Variants in ADGRB3 observed in about 807,000 individuals in gnomAD.
ADGRB3 encodes the protein adhesion G protein-coupled receptor B3.
ADGRB3 carries 37 observed loss-of-function variants against 193.4 expected under a neutral mutation model. The observed-to-expected ratio is 0.19, with a 90% confidence interval of 0.15 to 0.25. The LOEUF (loss-of-function observed/expected upper bound fraction) is 0.25, where lower values mean the gene tolerates loss of function less well. Ranked by LOEUF, ADGRB3 falls within the 10% of genes least tolerant of loss-of-function variation. ADGRB3 has a pLI of 1.00. For synonymous variants in ADGRB3, 690 were observed against 644.2 expected (o/e 1.07, Z -1.08); for missense variants, 1,637 against 1,852.9 (o/e 0.88, Z 2.14).
At chr6:68,653,318 T>C (rs1484297156) in intron 3 of ADGRB3, among the ~76,000 whole-genome samples, 2 of 152,158 alleles carry the variant, frequency 1.3e-5, no homozygotes, top group African/African-American at 4.8e-5. Flanking sequence ...TACAGCCTAA[T>C]CTATCCTATT....
intron 3 of ADGRB3, among the ~76,000 whole-genome samples, chr6:68,831,193 C>T (rs755742894): frequency 2.0e-5 from 3 of 149,358 alleles, no homozygotes; most frequent in South Asian, 4.2e-4. Context: ...CAATAAAAAA[C>T]GTGGTGATGA....
intron 16 of ADGRB3, among the ~76,000 whole-genome samples, chr6:69,065,528 G>T (rs1771875193): frequency 6.6e-6 from 1 of 151,844 alleles, no homozygotes; most frequent in South Asian, 2.1e-4. Flanking sequence ...AATACTTTGG[G>T]AAGTATTACT....
intron 17 of ADGRB3, among the ~76,000 whole-genome samples, chr6:69,149,721 A>G (rs1339371462): frequency 6.6e-6 from 1 of 152,022 alleles, no homozygotes; most frequent in Non-Finnish European, 1.5e-5. Context: ...AGGGACTTGG[A>G]TGCTGTGACC....
intron 11 of ADGRB3, among the ~76,000 whole-genome samples, chr6:69,010,265 A>G (rs1769893988): frequency 6.6e-6 from 1 of 152,016 alleles, no homozygotes; most frequent in Non-Finnish European, 1.5e-5. Flanking sequence ...TCTTAGAAAG[A>G]AGAGACTTCT....
chr6:69,231,884 T>C (rs569170037), intron 17 of ADGRB3, among the ~76,000 whole-genome samples: 1 of 152,278 alleles, frequency 6.6e-6, no homozygotes, highest in Non-Finnish European at 1.5e-5. Flanking sequence ...ATTAAAAATA[T>C]ATTGCTGGTA....
At chr6:69,094,874 G>C (rs1772829090) in intron 17 of ADGRB3, among the ~76,000 whole-genome samples, 1 of 152,138 alleles carries the variant, frequency 6.6e-6, no homozygotes, top group African/African-American at 2.4e-5. Context: ...GAAGCAGAAT[G>C]CTTATTTAGA....
At chr6:69,157,962 C>T (rs1441721110) in intron 17 of ADGRB3, among the ~76,000 whole-genome samples, 2 of 152,046 alleles carry the variant, frequency 1.3e-5, no homozygotes, top group Admixed American at 1.3e-4. Context: ...TTCCTCTTGT[C>T]TAGGTTTCTT....
chr6:68,915,165 T>G (rs182366477), intron 3 of ADGRB3, among the ~76,000 whole-genome samples: 3 of 152,316 alleles, frequency 2.0e-5, no homozygotes, highest in African/African-American at 7.2e-5. Flanking sequence ...GGCCATCAAT[T>G]TGACGCAATT....
intron 15 of ADGRB3, among the ~76,000 whole-genome samples, chr6:69,062,455 CTGTT>C (rs1382526942): frequency 2.0e-5 from 3 of 151,764 alleles, no homozygotes; most frequent in Non-Finnish European, 2.9e-5. Context: ...TATTTAAACT[CTGTT>C]TGCTCTAATG....
At chr6:68,827,262 A>G (rs1767862232) in intron 3 of ADGRB3, among the ~76,000 whole-genome samples, 1 of 152,110 alleles carries the variant, frequency 6.6e-6, no homozygotes, top group Non-Finnish European at 1.5e-5. Context: ...AAGTGCCCTA[A>G]GTGGTACTGA....
chr6:69,226,232 T>G (rs938328268), intron 17 of ADGRB3, among the ~76,000 whole-genome samples: 3 of 152,170 alleles, frequency 2.0e-5, no homozygotes, highest in African/African-American at 7.2e-5. Flanking sequence ...AGTGGCCAAG[T>G]AGAAATCTAA....
chr6:69,165,857 T>A (rs1047590832), intron 17 of ADGRB3, among the ~76,000 whole-genome samples: 5 of 152,130 alleles, frequency 3.3e-5, no homozygotes, highest in African/African-American at 1.2e-4. Flanking sequence ...ATTGTTTTTA[T>A]CTTTATTTTA....
At chr6:69,170,246 A>T (rs928117053) in intron 17 of ADGRB3, among the ~76,000 whole-genome samples, 1 of 152,168 alleles carries the variant, frequency 6.6e-6, no homozygotes, top group African/African-American at 2.4e-5. Flanking sequence ...TTTCAGTTCA[A>T]GCATATGTTG....
At chr6:69,110,409 G>A (rs1015497419) in intron 17 of ADGRB3, among the ~76,000 whole-genome samples, 2 of 152,034 alleles carry the variant, frequency 1.3e-5, no homozygotes, top group South Asian at 2.1e-4. Flanking sequence ...TGATTGCCTA[G>A]TCACTCTTTG....
rs191582576 is a variant in ADGRB3 at position 68,777,379 on chromosome 6, G to A, written c.757+137947G>A. On this transcript the variant is annotated intron_variant, in intron 3 of 31. Coordinates refer to ENST00000370598, the MANE Select transcript of ADGRB3 (RefSeq NM_001704.3). ...CCTGACCCAAAATTCTGCTAGGAAT[G>A]TAGAAATATATTTTTTTTGGCAAAT... is the stretch of plus-strand genomic sequence containing the variant. Among the ~76,000 whole-genome samples, 33 of 152,186 alleles carry A rather than the reference G, an allele frequency of 2.2e-4. No homozygotes were observed. The East Asian group carries it at 6.2e-3, about 29-fold the overall frequency.
chr6:68,762,534 T>G (rs1227458667), intron 3 of ADGRB3, among the ~76,000 whole-genome samples: 2 of 151,744 alleles, frequency 1.3e-5, no homozygotes, highest in Non-Finnish European at 2.9e-5. Flanking sequence ...CCAAATAAAT[T>G]AGTGAAACAA....
intron 26 of ADGRB3, among the ~76,000 whole-genome samples, chr6:69,348,989 T>C (rs999619988): frequency 2.0e-5 from 3 of 152,226 alleles, no homozygotes; most frequent in African/African-American, 4.8e-5. Flanking sequence ...GAATGAAGAC[T>C]AGCTTTCAAG....
chr6:69,219,643 A>T (rs146845494), intron 17 of ADGRB3, among the ~76,000 whole-genome samples: 67 of 151,484 alleles, frequency 4.4e-4, no homozygotes, highest in African/African-American at 1.5e-3. Context: ...AAGATTATGT[A>T]ACTCACAGGT....
At chr6:69,089,487 A>G (rs1183092677) in intron 17 of ADGRB3, among the ~76,000 whole-genome samples, 1 of 152,170 alleles carries the variant, frequency 6.6e-6, no homozygotes, top group Non-Finnish European at 1.5e-5. Context: ...AAATACATGG[A>G]CACTTCTTAG....
Sources: allele counts gnomAD v4.1 joint callset (sites outside exome capture counted in the v4.1 genomes callset), GRCh38; gene constraint gnomAD v4.1.1; transcripts MANE v1.5; gene names NCBI Gene and HGNC (gene_info 2026-07-23, HGNC 2026-07-21).